Variants in USHBP1 observed in about 807,000 individuals in gnomAD.
The protein encoded by USHBP1 is USH1 protein network component harmonin binding protein 1, also known as harmonin-binding protein USHBP1.
Under a neutral mutation model 76.2 loss-of-function variants are expected in USHBP1, and 67 were observed. The ratio of observed to expected loss-of-function variants is 0.88; its 90% CI spans 0.72 to 1.08. The LOEUF is 1.08. USHBP1 is among the 50% of genes least tolerant of loss of function. USHBP1 has a pLI of 0.00. For missense variants in USHBP1, 931 were observed against 915.0 expected (o/e 1.02, Z -0.23); for synonymous variants, 322 against 362.2 (o/e 0.89, Z 1.26).
At position 17,253,960 on chromosome 19, in the gene USHBP1, T is replaced by C. The variant is rs573519956; in HGVS notation, c.1692+1425A>G. Among the ~76,000 whole-genome samples the C allele has an allele frequency of 6.2e-5, 9 of 144,364 alleles. No individual in the cohort carries two copies. The South Asian group carries it at 1.6e-3, about 25-fold the overall frequency. 94.7% of individuals were successfully genotyped at this position (144,364 alleles called of 152,430 possible). On this transcript the variant is annotated intron_variant, in intron 10 of 12. Transcript: ENST00000252597. ...CTGTGGCTCATGGCTGTAATCCCAG[T>C]ACTTTGGGAGGCTGAGGTGGGCAGA...
At chr19:17,258,454 G>A (rs2145587977) in intron 7 of USHBP1, 69 bp from the exon 8 acceptor site, 1 of 1,540,414 alleles carries the variant, frequency 6.5e-7, no homozygotes, top group East Asian at 2.3e-5. Context: ...CTCACCTGTA[G>A]TCCCAGCACT....
rs1357060379 is a variant in USHBP1 at position 17,256,504 on chromosome 19, C to A, written c.1437G>T (p.Lys479Asn). The part of the protein sequence containing the change: ...QAGPALPRLE[K>N]TQIQQDLVAA... Reference sequence around the variant, plus strand: ...CCACCAGGTCCTGCTGAATTTGTGTCTTCTCCAGTCGGGGAAGAGCTGGGC... The same window carrying A: ...CCACCAGGTCCTGCTGAATTTGTGTATTCTCCAGTCGGGGAAGAGCTGGGC... The change falls in exon 9 of 13, where the codon AAG becomes AAT. Residue 479 changes from lysine to asparagine, a missense_variant. Physicochemically the swap from Lys to Asn is moderately conservative, Grantham distance 94 (BLOSUM62 0). Coordinates refer to ENST00000252597, the MANE Select transcript of USHBP1 (RefSeq NM_031941.4). The A allele has an allele frequency of 6.2e-7, 1 of 1,613,786 alleles. No homozygotes were observed. Among genetic ancestry groups the A allele is most frequent in the Non-Finnish European group, 8.5e-7 (1 of 1,180,028 alleles).
At chr19:17,253,446 G>A (rs2073578687) in intron 10 of USHBP1, among the ~76,000 whole-genome samples, 2 of 148,022 alleles carry the variant, frequency 1.4e-5, no homozygotes, top group Admixed American at 1.3e-4. Flanking sequence ...GTGCCACCAT[G>A]CCCAGCTAAT....
intron 9 of USHBP1, 131 bp from the exon 10 acceptor site, chr19:17,255,737 A>C (rs951567150): frequency 1.0e-6 from 1 of 993,722 alleles, no homozygotes; most frequent in Non-Finnish European, 1.5e-6. Context: ...GCAGTGGCTC[A>C]TGCCTGTAAT....
At chr19:17,251,729 G>A in intron 11 of USHBP1, 25 bp from the exon 12 acceptor site, 1 of 1,610,164 alleles carries the variant, frequency 6.2e-7, no homozygotes, top group East Asian at 2.2e-5. Context: ...AAGAGAGGGG[G>A]CTCACAGCCC....
At position 17,250,293 on chromosome 19, in the gene USHBP1, T is replaced by C. The variant is rs780861421; in HGVS notation, c.2044A>G (p.Thr682Ala). 2 of 1,613,564 alleles carry C rather than the reference T, an allele frequency of 1.2e-6. No individual in the cohort carries two copies. Among genetic ancestry groups the C allele is most frequent in the African/African-American group, 2.7e-5 (2 of 75,038 alleles). ...CTGGGCTTCCCCAGGGCCCTTGCAGTGGCTTCGAGCACCGCCACCTCCTCG... is the reference window on the plus strand; with the variant it reads ...CTGGGCTTCCCCAGGGCCCTTGCAGCGGCTTCGAGCACCGCCACCTCCTCG... ...QAEEVAVLEA[T>A]ARALGKPRPP... is the part of the protein sequence containing the mutation. Residue 682 changes from threonine (T) to alanine (A), a missense_variant, in exon 13 of 13, where the codon ACT (threonine) becomes GCT (alanine). Physicochemically the swap from Thr to Ala is moderately conservative, Grantham distance 58 (BLOSUM62 0). Transcript: ENST00000252597.
Position 17,259,608 on chromosome 19 carries a change from T to C in USHBP1, c.893A>G (p.Glu298Gly). 1 of 1,610,912 alleles carries C rather than the reference T, an allele frequency of 6.2e-7. No individual in the cohort carries two copies. The highest frequency in any genetic ancestry group is 1.7e-4 in the Middle Eastern group (1 of 6,038). ...TTGAGTCTCTTACCCCCGGAGTTGC[T>C]CCATCTGGGCTTCCATGATGTGCAT... Reference protein sequence around the residue: ...PEMHIMEAQMEQLRGSIEKLK... With the variant: ...PEMHIMEAQMGQLRGSIEKLK... The change falls in exon 6 of 13, where the codon GAG becomes GGG. Residue 298 changes from glutamate to glycine, a missense_variant. Physicochemically the swap from Glu to Gly is moderately conservative, Grantham distance 98. Coordinates refer to ENST00000252597, the MANE Select transcript of USHBP1 (RefSeq NM_031941.4).
In USHBP1 at chr19:17,264,245, C is replaced by T. The variant is rs371356472; in HGVS notation, c.54+1G>A. 7.4e-5 allele frequency: 120 copies of T among 1,613,752 alleles called. No individual in the cohort carries two copies. Among genetic ancestry groups the T allele is most frequent in the Non-Finnish European group, 9.5e-5 (112 of 1,179,922 alleles). On this transcript the variant is annotated splice_donor_variant, in intron 2 of 12. Coordinates refer to ENST00000252597, the MANE Select transcript of USHBP1 (RefSeq NM_031941.4). LOFTEE classifies it high-confidence loss of function. ...TGTGGAGGGGAGAGGGTGACACTTA[C>T]GGGTGGAGCATGCCTCCCTCGCCGG...
intron 10 of USHBP1, 145 bp from the exon 11 acceptor site, chr19:17,252,162 A>G: frequency 2.8e-6 from 2 of 724,362 alleles, no homozygotes; most frequent in Non-Finnish European, 4.5e-6. Flanking sequence ...ATAAGAGCAA[A>G]ATTATACTCT....
intron 4 of USHBP1, among the ~76,000 whole-genome samples, chr19:17,261,725 C>T (rs2073692553): frequency 6.6e-6 from 1 of 151,496 alleles, no homozygotes; most frequent in African/African-American, 2.4e-5. Context: ...GCAACCTCCA[C>T]CTCCTGGGAT....
At chr19:17,253,894 CAAAA>C (rs755318665) in intron 10 of USHBP1, among the ~76,000 whole-genome samples, 2 of 87,308 alleles carry the variant, frequency 2.3e-5, no homozygotes, top group Admixed American at 1.2e-4. Context: ...ATCCGTTTCC[CAAAA>C]AAAAAAAAAA....
rs555454953 is a variant in USHBP1, at chr19:17,251,056, C to CT, written c.1922+525dup. On this transcript the variant is annotated intron_variant, in intron 12 of 12. Coordinates refer to ENST00000252597, the MANE Select transcript of USHBP1 (RefSeq NM_031941.4). ...TGTATTTTTAGTAGAGATGGGGTTT[C>CT]TCCATGTTGGTCAGGCTGGTCTCGA... is the stretch of plus-strand genomic sequence containing the variant. Among the ~76,000 whole-genome samples the CT allele has an allele frequency of 1.1e-4, 17 of 150,722 alleles. No homozygotes were observed. The South Asian group carries it at 3.6e-3, about 32-fold the overall frequency.
chr19:17,251,614 G>A lies in USHBP1; in HGVS notation c.1890C>T (p.Ala630=), dbSNP rs115398865. 2.7e-3 allele frequency: 4,405 copies of A among 1,613,970 alleles called. 102 individuals carry two copies. In the African/African-American group the frequency reaches 0.05, roughly 18 times the overall value. ...CTTTGCATAAATCCCTGTTCAGCTC[G>A]GCACTCTGAGACCGTCTGGCTCGCC... The part of the protein sequence containing the change: ...QKGRARRSQS[A]ELNRDLCKAH... The change falls in exon 12 of 13, where the codon GCC becomes GCT. Residue 630 remains alanine, a synonymous_variant. Coordinates refer to ENST00000252597, the MANE Select transcript of USHBP1 (RefSeq NM_031941.4).
rs755695100 is a variant in USHBP1, at chr19:17,258,339, C to T, written c.1093G>A (p.Ala365Thr). Residue 365 changes from alanine (A) to threonine (T), a missense_variant, in exon 8 of 13, where the codon GCC (alanine) becomes ACC (threonine). Transcript: ENST00000252597. ...AYRVLLALRE[A>T]DSGAGDEAPM... ...GCTTCGTCTCCTGCTCCTGAGTCGG[C>T]CTCCCGCAGAGCAAGCAGAACCCTG... 1.2e-6 allele frequency: 2 copies of T among 1,613,938 alleles called. No homozygotes were observed. Among genetic ancestry groups the T allele is most frequent in the Non-Finnish European group, 1.7e-6 (2 of 1,180,034 alleles).
At chr19:17,260,901 G>A (rs550615653) in intron 4 of USHBP1, among the ~76,000 whole-genome samples, 2 of 152,168 alleles carry the variant, frequency 1.3e-5, no homozygotes, top group African/African-American at 4.8e-5. Context: ...TAGCCTTCAC[G>A]CTCACACGTC....
At chr19:17,264,515 C>T (rs924328987) in intron 1 of USHBP1, 156 bp downstream of exon 1, 2 of 580,198 alleles carry the variant, frequency 3.4e-6, no homozygotes, top group African/African-American at 3.8e-5. Flanking sequence ...AGCTCACTAC[C>T]TAAGAAGGTT....
intron 4 of USHBP1, among the ~76,000 whole-genome samples, chr19:17,261,637 ATTATTT>A (rs1568327714): frequency 1.0e-5 from 1 of 96,234 alleles, no homozygotes. Context: ...CAGCATTATT[ATTATTT>A]TTTTTTTTTT....
intron 8 of USHBP1, among the ~76,000 whole-genome samples, chr19:17,257,545 G>A (rs1432668602): frequency 6.7e-6 from 1 of 149,928 alleles, no homozygotes; most frequent in Admixed American, 6.6e-5. Flanking sequence ...GGGAGGCTGA[G>A]GCAGGAGAAT....
chr19:17,264,361 C>T lies in USHBP1; in HGVS notation c.-48-14G>A. On this transcript the variant is annotated splice_polypyrimidine_tract_variant and intron_variant, in intron 1 of 12. Coordinates refer to ENST00000252597, the MANE Select transcript of USHBP1 (RefSeq NM_031941.4). ...CTTCGTCAACCCCTAAAACCACAGCCTGCCATGAGCTCTTGCCTTTGTTGT... is the reference window on the plus strand; with the variant it reads ...CTTCGTCAACCCCTAAAACCACAGCTTGCCATGAGCTCTTGCCTTTGTTGT... 1 of 1,520,390 alleles carries T rather than the reference C, an allele frequency of 6.6e-7. No individual in the cohort carries two copies. Among genetic ancestry groups the T allele is most frequent in the African/African-American group, 1.4e-5 (1 of 72,410 alleles). 94.2% of individuals were successfully genotyped at this position (1,520,390 alleles called of 1,614,324 possible).
Sources: gnomAD v4.1 joint callset for allele counts (sites outside exome capture counted in the v4.1 genomes callset) on GRCh38, gnomAD v4.1.1 for gene constraint, MANE v1.5 for transcripts, NCBI Gene and HGNC (gene_info 2026-07-23, HGNC 2026-07-21) for gene names.